The following ZFP91 variants were observed in gnomAD, a reference collection of about 807,000 sequenced individuals.
ZFP91 encodes the protein ZFP91 zinc finger protein, atypical E3 ubiquitin ligase.
In ZFP91, 7 loss-of-function variants were observed where a neutral mutation model predicts 63.5. The ratio of observed to expected loss-of-function variants is 0.11; its 90% CI spans 0.06 to 0.21. The LOEUF is 0.21. Ranked by LOEUF, ZFP91 falls within the 10% of genes least tolerant of loss-of-function variation. ZFP91 has a pLI of 1.00. For synonymous variants in ZFP91, 330 were observed against 272.1 expected (o/e 1.21, Z -2.10); for missense variants, 628 against 736.6 (o/e 0.85, Z 1.71).
In ZFP91 at chr11:58,609,322, T is replaced by G. The variant is rs1855620122; in HGVS notation, c.371-508T>G. Among the ~76,000 whole-genome samples, 3 of 152,194 alleles carry G rather than the reference T, an allele frequency of 2.0e-5. No individual in the cohort carries two copies. In the South Asian group the frequency reaches 6.2e-4, roughly 31 times the overall value. The stretch of plus-strand genomic sequence containing the variant: ...TTTACCATTCAATTGCTCTATAGAT[T>G]AGTTCAAATTTATGGTGTGGTTCCA... On this transcript the variant is annotated intron_variant, in intron 2 of 10. Coordinates refer to ENST00000316059, the MANE Select transcript of ZFP91 (RefSeq NM_053023.5).
At chr11:58,592,077 A>G (rs1057326851) in intron 2 of ZFP91, among the ~76,000 whole-genome samples, 4 of 139,430 alleles carry the variant, frequency 2.9e-5, no homozygotes, top group Non-Finnish European at 4.6e-5. Flanking sequence ...CCCTGAGCAC[A>G]TCTTTTTTTT....
At position 58,579,245 on chromosome 11, in the gene ZFP91, C is replaced by T; in HGVS notation, c.-37C>T. 1 of 1,363,228 alleles carries T rather than the reference C, an allele frequency of 7.3e-7. No individual in the cohort carries two copies. Among genetic ancestry groups the T allele is most frequent in the Non-Finnish European group, 9.4e-7 (1 of 1,066,006 alleles). 84.4% of individuals were successfully genotyped at this position (1,363,228 alleles called of 1,614,324 possible). A position where few individuals can be genotyped will look rare whatever the true frequency, so the allele number is the denominator to read the frequency against. ...CCGAGGCCGCCGCCTCCGCCTCCGC[C>T]GCCTAGGACTAGGGGGTGGGGGACG... is the stretch of plus-strand genomic sequence containing the variant. On this transcript the variant is annotated 5_prime_UTR_variant, in exon 1 of 11. Coordinates refer to ENST00000316059, the MANE Select transcript of ZFP91 (RefSeq NM_053023.5).
intron 2 of ZFP91, among the ~76,000 whole-genome samples, chr11:58,601,608 G>C (rs1855491519): frequency 1.3e-5 from 2 of 148,418 alleles, no homozygotes; most frequent in Admixed American, 1.3e-4. Flanking sequence ...TCAGGCATGT[G>C]ATTTTTTTTT....
Position 58,612,936 on chromosome 11 carries a change from T to G in ZFP91, c.987+96T>G, listed in dbSNP as rs534441738. On this transcript the variant is annotated intron_variant, in intron 8 of 10. Transcript: ENST00000316059. The stretch of plus-strand genomic sequence containing the variant: ...AATTTGTTGGCTTGTGTAGGCTTTA[T>G]CATTGACATGTAATGTCAAGAAAAG... The G allele has an allele frequency of 6.6e-6, 7 of 1,062,812 alleles. No homozygotes were observed. The East Asian group carries it at 1.2e-4, about 18-fold the overall frequency. 65.8% of individuals were successfully genotyped at this position (1,062,812 alleles called of 1,614,324 possible). A position where few individuals can be genotyped will look rare whatever the true frequency, so the allele number is the denominator to read the frequency against.
intron 1 of ZFP91, among the ~76,000 whole-genome samples, 184 bp downstream of exon 1, chr11:58,579,806 C>G (rs1364616091): frequency 6.6e-6 from 1 of 152,132 alleles, no homozygotes; most frequent in African/African-American, 2.4e-5. Flanking sequence ...ACCCTCATCT[C>G]GCTCCTGTAC....
Position 58,620,549 on chromosome 11 carries a change from T to A in ZFP91, c.*2843T>A, listed in dbSNP as rs1466984605. 1 of 152,652 alleles carries A rather than the reference T, an allele frequency of 6.6e-6. No individual in the cohort carries two copies. The highest frequency in any genetic ancestry group is 2.1e-4 in the South Asian group (1 of 4,834). The allele number at this position is 152,652 out of a possible 1,614,324, so 9.5% of individuals were successfully genotyped here. A position where few individuals can be genotyped will look rare whatever the true frequency, so the allele number is the denominator to read the frequency against. On this transcript the variant is annotated 3_prime_UTR_variant, in exon 11 of 11. Transcript: ENST00000316059. ...TTTGCGTAACTGAGACTCCTTGATA[T>A]GCTTCAGAGAATTTAGGCAAACACT... is the stretch of plus-strand genomic sequence containing the variant.
At position 58,619,983 on chromosome 11, in the gene ZFP91, T is replaced by C. The variant is rs756117802; in HGVS notation, c.*2277T>C. ...TGCAGTGGTTAGTCATCAGATATTTTAGCCACCTACACAAAAGCAAACTGC... is the reference window on the plus strand; with the variant it reads ...TGCAGTGGTTAGTCATCAGATATTTCAGCCACCTACACAAAAGCAAACTGC... On this transcript the variant is annotated 3_prime_UTR_variant, in exon 11 of 11. Coordinates refer to ENST00000316059, the MANE Select transcript of ZFP91 (RefSeq NM_053023.5). The C allele has an allele frequency of 2.6e-5, 4 of 152,204 alleles. No individual in the cohort carries two copies. The highest frequency in any genetic ancestry group is 4.8e-5 in the African/African-American group (2 of 41,452). 9.4% of individuals were successfully genotyped at this position (152,204 alleles called of 1,614,324 possible). A position where few individuals can be genotyped will look rare whatever the true frequency, so the allele number is the denominator to read the frequency against.
At chr11:58,590,715 T>A (rs1441765740) in intron 2 of ZFP91, among the ~76,000 whole-genome samples, 1 of 152,208 alleles carries the variant, frequency 6.6e-6, no homozygotes, top group Non-Finnish European at 1.5e-5. Context: ...ATCCCATATA[T>A]CCCTGAGTAT....
intron 2 of ZFP91, among the ~76,000 whole-genome samples, chr11:58,595,572 CTTTTT>C (rs34767843): frequency 7.3e-6 from 1 of 136,820 alleles, no homozygotes; most frequent in African/African-American, 2.8e-5. Context: ...TAGTATCAAT[CTTTTT>C]TTTTTTTTTT....
In ZFP91 at chr11:58,618,844, CTT is replaced by C. The variant is rs1413697707; in HGVS notation, c.*1140_*1141del. 1 of 335,586 alleles carries C rather than the reference CTT, an allele frequency of 3.0e-6. No homozygotes were observed. The highest frequency in any genetic ancestry group is 5.8e-6 in the Non-Finnish European group (1 of 171,826). The allele number at this position is 335,586 out of a possible 1,614,324, so 20.8% of individuals were successfully genotyped here. ...TTAGGTTCATGGTAACTAGTATGCT[CTT>C]TGAGATTTTTACAGTGTTGAAACTT... On this transcript the variant is annotated 3_prime_UTR_variant, in exon 11 of 11. Transcript: ENST00000316059.
intron 2 of ZFP91, among the ~76,000 whole-genome samples, chr11:58,605,716 T>C (rs1481536859): frequency 6.6e-6 from 1 of 152,170 alleles, no homozygotes; most frequent in South Asian, 2.1e-4. Flanking sequence ...TTCTACCGAT[T>C]GATAATAATG....
chr11:58,603,596 A>G (rs1322142940), intron 2 of ZFP91, among the ~76,000 whole-genome samples: 1 of 152,370 alleles, frequency 6.6e-6, no homozygotes, highest in Non-Finnish European at 1.5e-5. Context: ...GGACAGAGAC[A>G]GAATGGAATT....
rs894491023 is a variant in ZFP91, at chr11:58,612,858, A to G, written c.987+18A>G. ...ATTTGCAGGTCAGTGAAGTTGTTATATAAGAGCCTTTCAGGTTGTGTTCCA... is the reference window on the plus strand; with the variant it reads ...ATTTGCAGGTCAGTGAAGTTGTTATGTAAGAGCCTTTCAGGTTGTGTTCCA... On this transcript the variant is annotated intron_variant, in intron 8 of 10. Transcript: ENST00000316059. 3.7e-6 allele frequency: 6 copies of G among 1,602,062 alleles called. No individual in the cohort carries two copies. The highest frequency in any genetic ancestry group is 2.2e-5 in the South Asian group (2 of 88,924).
At chr11:58,589,988 A>G (rs1489226085) in intron 2 of ZFP91, among the ~76,000 whole-genome samples, 1 of 152,216 alleles carries the variant, frequency 6.6e-6, no homozygotes, top group Admixed American at 6.5e-5. Context: ...GCCATCTTCG[A>G]CACAGTTATA....
At chr11:58,611,147 G>T in intron 5 of ZFP91, 93 bp downstream of exon 5, 1 of 1,042,464 alleles carries the variant, frequency 9.6e-7, no homozygotes. Context: ...CAAGCTAATG[G>T]GTATAGAATT....
chr11:58,580,474 G>A (rs1272589637), intron 1 of ZFP91, among the ~76,000 whole-genome samples: 2 of 151,026 alleles, frequency 1.3e-5, no homozygotes, highest in Non-Finnish European at 3.0e-5. Flanking sequence ...TAATCACATT[G>A]ACTATTCAAT....
At chr11:58,612,090 G>A in intron 6 of ZFP91, 188 bp from the exon 7 acceptor site, 1 of 623,294 alleles carries the variant, frequency 1.6e-6, no homozygotes, top group South Asian at 2.1e-5. Flanking sequence ...AGACTGATTT[G>A]AAAGTGAAAT....
At chr11:58,580,430 T>C (rs984873281) in intron 1 of ZFP91, among the ~76,000 whole-genome samples, 3 of 152,228 alleles carry the variant, frequency 2.0e-5, no homozygotes, top group African/African-American at 7.2e-5. Context: ...ATGTTAAGAA[T>C]ACTGAAGCAC....
intron 2 of ZFP91, among the ~76,000 whole-genome samples, chr11:58,609,103 G>A (rs1027339742): frequency 1.3e-5 from 2 of 152,074 alleles, no homozygotes; most frequent in Admixed American, 1.3e-4. Context: ...ATAGGTCTAA[G>A]TATTTAGCTA....
Sources: gnomAD v4.1 joint callset for allele counts (sites outside exome capture counted in the v4.1 genomes callset) on GRCh38, gnomAD v4.1.1 for gene constraint, MANE v1.5 for transcripts, NCBI Gene and HGNC (gene_info 2026-07-23, HGNC 2026-07-21) for gene names.